DSC2: variants seen among roughly 807,000 people sequenced by gnomAD.
DSC2 encodes desmocollin 2.
A neutral mutation model predicts 87.6 loss-of-function variants in DSC2; 51 were observed. That is an observed-to-expected ratio of 0.58 (90% CI 0.46 to 0.74). DSC2 has a LOEUF of 0.74. DSC2 is among the 30% of genes least tolerant of loss of function. The probability of loss-of-function intolerance (pLI) is 0.00; values close to 1 mark genes in which losing one functional copy is unlikely to be tolerated. For missense variants in DSC2, 1,066 were observed against 1,089.5 expected (o/e 0.98, Z 0.30); for synonymous variants, 383 against 393.2 (o/e 0.97, Z 0.31).
At position 31,067,998 on chromosome 18, in the gene DSC2, G is replaced by A. The variant is rs1409101266; in HGVS notation, c.*17C>T. The A allele has an allele frequency of 5.0e-6, 8 of 1,612,360 alleles. No individual in the cohort carries two copies. The highest frequency in any genetic ancestry group is 2.5e-6 in the Non-Finnish European group (3 of 1,178,874). ...AGTCATAAAGCCACTGGCTTTCAGA[G>A]ACTTATTAGAACACACTCATCTCTT... On this transcript the variant is annotated 3_prime_UTR_variant, in exon 16 of 16. Coordinates refer to ENST00000280904, the MANE Select transcript of DSC2 (RefSeq NM_024422.6).
At position 31,062,256 on chromosome 18, in the gene DSC2, T is replaced by C. The variant is rs1318399155; in HGVS notation, c.*5759A>G. 6.6e-6 allele frequency: 1 copy of C among 152,234 alleles called. No homozygotes were observed. The highest frequency in any genetic ancestry group is 1.5e-5 in the Non-Finnish European group (1 of 68,048). The allele number at this position is 152,234 out of a possible 1,614,324, so 9.4% of individuals were successfully genotyped here. A position where few individuals can be genotyped will look rare whatever the true frequency, so the allele number is the denominator to read the frequency against. On this transcript the variant is annotated 3_prime_UTR_variant, in exon 16 of 16. Transcript: ENST00000280904. The stretch of plus-strand genomic sequence containing the variant: ...CTTTGCTTTGTGGTTTCTCAAGATA[T>C]TTTTTGAAGCAAGGCCTGACTTACA...
rs926739048 is a variant in DSC2 at position 31,080,189 on chromosome 18, T to G, written c.1427A>C (p.Gln476Pro). Residue 476 changes from glutamine to proline, a missense_variant, in exon 10 of 16, where the codon CAG becomes CCG. By Grantham distance (76) the Gln-to-Pro change is moderately conservative (BLOSUM62 -1). Coordinates refer to ENST00000280904, the MANE Select transcript of DSC2 (RefSeq NM_024422.6). ...TGCATTTTCTTTCATGCGAACAGTC[T>G]GTATTGGAGGGTTACACTCAGGGCC... Reference protein sequence around the residue: ...DEGPECNPPIQTVRMKENAEV... With the variant: ...DEGPECNPPIPTVRMKENAEV... The G allele has an allele frequency of 6.2e-7, 1 of 1,614,140 alleles. No individual in the cohort carries two copies. The highest frequency in any genetic ancestry group is 1.3e-5 in the African/African-American group (1 of 75,036).
intron 12 of DSC2, among the ~76,000 whole-genome samples, chr18:31,074,018 G>A (rs539743772): frequency 7.2e-5 from 11 of 152,326 alleles, no homozygotes; most frequent in South Asian, 4.1e-4. Context: ...AGCACCTTCC[G>A]GGATTGTGCC....
intron 12 of DSC2, among the ~76,000 whole-genome samples, chr18:31,073,867 T>C (rs1039653900): frequency 5.3e-5 from 8 of 152,108 alleles, no homozygotes; most frequent in African/African-American, 1.9e-4. Flanking sequence ...TAGGGGAGAA[T>C]CCCAAGGAGA....
rs1432564758 is a variant in DSC2 at position 31,063,798 on chromosome 18, A to G, written c.*4217T>C. On this transcript the variant is annotated 3_prime_UTR_variant, in exon 16 of 16. Transcript: ENST00000280904. ...ATGGAAAATGCTGTTTTGATTTGTA[A>G]TATTTTCAATTTACCATGGGTTTAT... 1 of 152,224 alleles carries G rather than the reference A, an allele frequency of 6.6e-6. No individual in the cohort carries two copies. The highest frequency in any genetic ancestry group is 1.9e-4 in the East Asian group (1 of 5,200). 9.4% of individuals were successfully genotyped at this position (152,224 alleles called of 1,614,324 possible).
chr18:31,101,515 G>C (rs909295072), intron 1 of DSC2: 6 of 186,012 alleles, frequency 3.2e-5, no homozygotes, highest in African/African-American at 4.8e-5. Context: ...CCAGCTGGAC[G>C]GCCCCGGCGC....
chr18:31,090,386 G>C (rs539116862), intron 4 of DSC2, among the ~76,000 whole-genome samples: 1 of 152,260 alleles, frequency 6.6e-6, no homozygotes, highest in African/African-American at 2.4e-5. Flanking sequence ...ATGGAAGAAG[G>C]CAAGAAGGCT....
intron 3 of DSC2, 106 bp from the exon 4 acceptor site, chr18:31,091,253 G>A (rs961389547): frequency 5.7e-6 from 8 of 1,413,162 alleles, no homozygotes; most frequent in Non-Finnish European, 7.8e-6. Context: ...GCTGGGTAGG[G>A]GTGAGACCAT....
At position 31,067,844 on chromosome 18, in the gene DSC2, T is replaced by A. The variant is rs1986675997; in HGVS notation, c.*171A>T. 4.8e-6 allele frequency: 3 copies of A among 629,860 alleles called. No individual in the cohort carries two copies. Among genetic ancestry groups the A allele is most frequent in the Non-Finnish European group, 8.2e-6 (3 of 368,020 alleles). 39.0% of individuals were successfully genotyped at this position (629,860 alleles called of 1,614,324 possible). On this transcript the variant is annotated 3_prime_UTR_variant, in exon 16 of 16. Coordinates refer to ENST00000280904, the MANE Select transcript of DSC2 (RefSeq NM_024422.6). ...ATATGTAAAAATTGAAAAATTTGTG[T>A]ACTTGTTTATAGTGTCTCTCTGTAA...
rs1012927568 is a variant in DSC2, at chr18:31,068,360, G to A, written c.2509-148C>T. 4 of 1,610,834 alleles carry A rather than the reference G, an allele frequency of 2.5e-6. No homozygotes were observed. The Admixed American group carries it at 5.0e-5, about 20-fold the overall frequency. On this transcript the variant is annotated intron_variant, in intron 15 of 15. Transcript: ENST00000280904. ...TAATGGATTCCTATACATAAAAAATGCACATGATTGGTCTGTTTCATACAT... is the reference window on the plus strand; with the variant it reads ...TAATGGATTCCTATACATAAAAAATACACATGATTGGTCTGTTTCATACAT...
At chr18:31,101,816 C>T in intron 1 of DSC2, 87 bp downstream of exon 1, 2 of 1,375,706 alleles carry the variant, frequency 1.5e-6, no homozygotes, top group Non-Finnish European at 2.0e-6. Flanking sequence ...TTTCCCGCCA[C>T]CCCCACCTAT....
intron 1 of DSC2, chr18:31,101,648 C>T (rs1436162034): frequency 2.1e-6 from 1 of 471,378 alleles, no homozygotes; most frequent in Non-Finnish European, 3.7e-6. Flanking sequence ...AAGCGGCCCG[C>T]TCCCGCCTCT....
Position 31,068,921 on chromosome 18 carries a change from G to T in DSC2, c.2481C>A (p.His827Gln). 1 of 1,613,884 alleles carries T rather than the reference G, an allele frequency of 6.2e-7. No homozygotes were observed. The highest frequency in any genetic ancestry group is 2.2e-5 in the East Asian group (1 of 44,860). The change falls in exon 15 of 16, where the codon CAC (histidine) becomes CAA (glutamine). Residue 827 changes from histidine to glutamine, a missense_variant. His to Gln is a conservative substitution (Grantham distance 24, BLOSUM62 0). Coordinates refer to ENST00000280904, the MANE Select transcript of DSC2 (RefSeq NM_024422.6). ...DNCRYTYSEW[H>Q]SFTQPRLGEK... The stretch of plus-strand genomic sequence containing the variant: ...CACCAAGACGGGGCTGAGTAAAACT[G>T]TGCCACTCCGAGTAAGTGTATCTGC...
In DSC2 at chr18:31,102,252, C is replaced by A. The variant is rs899037879; in HGVS notation, c.-281G>T. On this transcript the variant is annotated 5_prime_UTR_variant, in exon 1 of 16. Transcript: ENST00000280904. ...CTATTTAAGACTTAAGACTTCATTTCTCTAAGAAAGCCACGGGTGGGAACT... is the reference window on the plus strand; with the variant it reads ...CTATTTAAGACTTAAGACTTCATTTATCTAAGAAAGCCACGGGTGGGAACT... The A allele has an allele frequency of 2.8e-5, 10 of 361,568 alleles. No homozygotes were observed. Among genetic ancestry groups the A allele is most frequent in the Admixed American group, 2.3e-4 (5 of 21,312 alleles). 22.4% of individuals were successfully genotyped at this position (361,568 alleles called of 1,614,324 possible). A position where few individuals can be genotyped will look rare whatever the true frequency, so the allele number is the denominator to read the frequency against.
rs762222883 is a variant in DSC2 at position 31,083,075 on chromosome 18, A to G, written c.943-15T>C. ...TTGTCAATTAACTGAAAACAAAAAAAGAATTTAATTATTGGGGGAAAGCAC... is the reference window on the plus strand; with the variant it reads ...TTGTCAATTAACTGAAAACAAAAAAGGAATTTAATTATTGGGGGAAAGCAC... On this transcript the variant is annotated splice_polypyrimidine_tract_variant and intron_variant, in intron 7 of 15. Coordinates refer to ENST00000280904, the MANE Select transcript of DSC2 (RefSeq NM_024422.6). The G allele has an allele frequency of 6.2e-7, 1 of 1,607,238 alleles. No individual in the cohort carries two copies. The highest frequency in any genetic ancestry group is 1.3e-5 in the African/African-American group (1 of 74,686).
chr18:31,091,383 AAG>A (rs1987592390), intron 3 of DSC2: 1 of 602,810 alleles, frequency 1.7e-6, no homozygotes, highest in South Asian at 1.7e-5. Context: ...ATATGGAAGA[AAG>A]AGAGATGGAA....
At position 31,080,084 on chromosome 18, in the gene DSC2, A is replaced by T; in HGVS notation, c.1520+12T>A. The T allele has an allele frequency of 6.2e-7, 1 of 1,613,824 alleles. No individual in the cohort carries two copies. The highest frequency in any genetic ancestry group is 8.5e-7 in the Non-Finnish European group (1 of 1,179,970). ...GCTATATATTTTAAAACTAAAATAG[A>T]ATGGTAAGTACCTTATGCCACTGCT... On this transcript the variant is annotated intron_variant, in intron 10 of 15. Coordinates refer to ENST00000280904, the MANE Select transcript of DSC2 (RefSeq NM_024422.6).
At chr18:31,086,850 C>CA in intron 6 of DSC2, 108 bp from the exon 7 acceptor site, 1 of 1,195,314 alleles carries the variant, frequency 8.4e-7, no homozygotes, top group Non-Finnish European at 1.2e-6. Context: ...CACATTATTA[C>CA]ATGGCAAAGT....
In DSC2 at chr18:31,068,960, C is replaced by G. The variant is rs750971227; in HGVS notation, c.2442G>C (p.Thr814=). ...HTLDSCRGGH[T]EVDNCRYTYS... ...AAGTGTATCTGCAGTTGTCCACCTC[C>G]GTGTGTCCTCCCCTGCAGGAGTCCA... The change falls in exon 15 of 16, where the codon ACG becomes ACC. Residue 814 remains threonine (T), a synonymous_variant. Transcript: ENST00000280904. 6.2e-7 allele frequency: 1 copy of G among 1,614,084 alleles called. No individual in the cohort carries two copies. Among genetic ancestry groups the G allele is most frequent in the Non-Finnish European group, 8.5e-7 (1 of 1,180,026 alleles).
Sources: gnomAD v4.1 joint callset for allele counts (sites outside exome capture counted in the v4.1 genomes callset) on GRCh38, gnomAD v4.1.1 for gene constraint, MANE v1.5 for transcripts, NCBI Gene and HGNC (gene_info 2026-07-23, HGNC 2026-07-21) for gene names.